PRUNE2: variants seen among roughly 807,000 people sequenced by gnomAD.
The protein encoded by PRUNE2 is protein prune homolog 2.
In PRUNE2, 164 loss-of-function variants were observed where a neutral mutation model predicts 252.0. The ratio of observed to expected loss-of-function variants is 0.65; its 90% CI spans 0.57 to 0.74. PRUNE2 has a LOEUF of 0.74. Ranked by LOEUF, PRUNE2 falls within the 30% of genes least tolerant of loss-of-function variation. The pLI, the probability that PRUNE2 is intolerant of heterozygous loss-of-function variation, is 0.00. For synonymous variants in PRUNE2, 1,292 were observed against 1,350.2 expected (o/e 0.96, Z 0.94); for missense variants, 3,495 against 3,711.0 (o/e 0.94, Z 1.51).
intron 6 of PRUNE2, among the ~76,000 whole-genome samples, chr9:76,815,001 G>A (rs1188167424): frequency 6.6e-6 from 1 of 152,152 alleles, no homozygotes; most frequent in Non-Finnish European, 1.5e-5. Context: ...CCTGCAGCCT[G>A]TTGATGAAGT....
chr9:76,769,492 G>A lies in PRUNE2; in HGVS notation c.756+54140C>T, dbSNP rs933475169. ...GGCTGGAGTGCAATGGCACAATCTC[G>A]GCTCGTCGTCGCAACCTCCGCCCCC... On this transcript the variant is annotated intron_variant, in intron 6 of 18. Transcript: ENST00000376718. Among the ~76,000 whole-genome samples, 9 of 115,474 alleles carry A rather than the reference G, an allele frequency of 7.8e-5. No individual in the cohort carries two copies. In the South Asian group the frequency reaches 9.5e-4, roughly 12 times the overall value. 75.8% of individuals were successfully genotyped at this position (115,474 alleles called of 152,430 possible).
chr9:76,815,889 G>A (rs1005708204), intron 6 of PRUNE2, among the ~76,000 whole-genome samples: 1 of 152,016 alleles, frequency 6.6e-6, no homozygotes, highest in Non-Finnish European at 1.5e-5. Flanking sequence ...TGCCAGGTGC[G>A]GTGGCTCACG....
chr9:76,679,155 G>C (rs976671160), intron 9 of PRUNE2, among the ~76,000 whole-genome samples: 3 of 152,202 alleles, frequency 2.0e-5, no homozygotes, highest in African/African-American at 4.8e-5. Flanking sequence ...TACTTAGAAA[G>C]TTGTTGTAAG....
At chr9:76,868,843 G>C (rs1421463806) in intron 1 of PRUNE2, 9 of 132,240 alleles carry the variant, frequency 6.8e-5, no homozygotes, top group Non-Finnish European at 9.9e-5. Flanking sequence ...GGGGTGGGGG[G>C]GGGGGCGGGG....
At chr9:76,866,419 T>C (rs1317462558) in intron 1 of PRUNE2, among the ~76,000 whole-genome samples, 1 of 152,266 alleles carries the variant, frequency 6.6e-6, no homozygotes, top group African/African-American at 2.4e-5. Flanking sequence ...ATAGTGTTTT[T>C]TGCGATATTT....
intron 9 of PRUNE2, among the ~76,000 whole-genome samples, chr9:76,678,749 A>C (rs1244395048): frequency 6.6e-6 from 1 of 152,144 alleles, no homozygotes; most frequent in Non-Finnish European, 1.5e-5. Flanking sequence ...AATGGTGTGA[A>C]CCTCGGAGGC....
At chr9:76,650,027 G>A (rs1413205761) in intron 11 of PRUNE2, among the ~76,000 whole-genome samples, 3 of 151,846 alleles carry the variant, frequency 2.0e-5, no homozygotes, top group African/African-American at 7.3e-5. Flanking sequence ...TTGGCTTCAA[G>A]TATGTAAGTC....
chr9:76,813,060 T>C (rs1407804857), intron 6 of PRUNE2, among the ~76,000 whole-genome samples: 1 of 152,228 alleles, frequency 6.6e-6, no homozygotes, highest in Non-Finnish European at 1.5e-5. Flanking sequence ...GTAGAAAGGC[T>C]ATATAATGAT....
chr9:76,879,743 T>C (rs938725688), intron 1 of PRUNE2, among the ~76,000 whole-genome samples: 3 of 151,166 alleles, frequency 2.0e-5, no homozygotes, highest in African/African-American at 2.4e-5. Flanking sequence ...AAGAGAAGCA[T>C]TCTCAGCAAA....
intron 6 of PRUNE2, among the ~76,000 whole-genome samples, chr9:76,783,304 T>C (rs920784013): frequency 6.6e-6 from 1 of 151,980 alleles, no homozygotes; most frequent in Non-Finnish European, 1.5e-5. Context: ...GCCCAGCTAA[T>C]TTTTGTATTT....
At position 76,709,918 on chromosome 9, in the gene PRUNE2, T is replaced by C. The variant is rs1254872930; in HGVS notation, c.2356A>G (p.Thr786Ala). ...ACAGCTGCTGGTTCACCATCATCTG[T>C]AGGATTTCCCCAGGGCTCGGGCATG... is the stretch of plus-strand genomic sequence containing the variant. ...TAMPEPWGNP[T>A]DDGEPAAVAP... The change falls in exon 8 of 19, where the codon ACA (threonine) becomes GCA (alanine). Residue 786 changes from threonine to alanine, a missense_variant. Coordinates refer to ENST00000376718, the MANE Select transcript of PRUNE2 (RefSeq NM_015225.3). 6 of 1,613,684 alleles carry C rather than the reference T, an allele frequency of 3.7e-6. No individual in the cohort carries two copies. Among genetic ancestry groups the C allele is most frequent in the African/African-American group, 1.3e-5 (1 of 74,878 alleles).
rs116878431 is a variant in PRUNE2, at chr9:76,650,548, A to G, written c.8557+1935T>C. On this transcript the variant is annotated intron_variant, in intron 11 of 18. Coordinates refer to ENST00000376718, the MANE Select transcript of PRUNE2 (RefSeq NM_015225.3). ...ATCCAACCCTCTTATACAGTCACTT[A>G]TCCATGTCCTCATGTTTACAAAATA... 8.2e-3 allele frequency among the ~76,000 whole-genome samples: 1,248 copies of G among 152,304 alleles called. 9 individuals are homozygous for G. Among genetic ancestry groups the G allele is most frequent in the Non-Finnish European group, 0.015 (995 of 68,034 alleles).
intron 2 of PRUNE2, among the ~76,000 whole-genome samples, chr9:76,851,326 T>C (rs2059943427): frequency 6.6e-6 from 1 of 152,142 alleles, no homozygotes; most frequent in Non-Finnish European, 1.5e-5. Flanking sequence ...GGCGGGCAGA[T>C]CACGAGGTCA....
At chr9:76,664,392 T>C (rs1398290437) in intron 9 of PRUNE2, among the ~76,000 whole-genome samples, 3 of 152,234 alleles carry the variant, frequency 2.0e-5, no homozygotes, top group African/African-American at 7.2e-5. Context: ...GGCTAATGTC[T>C]TGATGGCAAC....
At chr9:76,726,623 A>G (rs1040818517) in intron 6 of PRUNE2, among the ~76,000 whole-genome samples, 12 of 152,248 alleles carry the variant, frequency 7.9e-5, no homozygotes, top group African/African-American at 2.7e-4. Flanking sequence ...AAAAGCGTTA[A>G]GCTTAGAGAA....
At chr9:76,900,236 T>C (rs907139680) in intron 1 of PRUNE2, among the ~76,000 whole-genome samples, 3 of 152,178 alleles carry the variant, frequency 2.0e-5, no homozygotes, top group Non-Finnish European at 4.4e-5. Flanking sequence ...TATGAATACA[T>C]CATTTTGGCT....
At position 76,706,988 on chromosome 9, in the gene PRUNE2, G is replaced by T. The variant is rs760516229; in HGVS notation, c.5286C>A (p.Ser1762Arg). Residue 1762 changes from serine to arginine, a missense_variant, in exon 8 of 19, where the codon AGC becomes AGA. Physicochemically the swap from Ser to Arg is moderately radical, Grantham distance 110. Transcript: ENST00000376718. ...KSNPFCDNQQ[S>R]SPDPWTFSPL... ...GTGAGAAAGTCCAGGGATCAGGGCT[G>T]CTTTGTTGATTGTCACAGAATGGGT... 3.7e-6 allele frequency: 6 copies of T among 1,614,018 alleles called. No individual in the cohort carries two copies. Among genetic ancestry groups the T allele is most frequent in the Non-Finnish European group, 5.1e-6 (6 of 1,179,880 alleles).
chr9:76,882,520 T>C (rs1286128500), intron 1 of PRUNE2, among the ~76,000 whole-genome samples: 3 of 152,272 alleles, frequency 2.0e-5, no homozygotes, highest in Admixed American at 6.5e-5. Context: ...TCTGCTCAGC[T>C]TCCAGGGAGG....
chr9:76,810,341 A>G (rs1400018222), intron 6 of PRUNE2, among the ~76,000 whole-genome samples: 2 of 152,204 alleles, frequency 1.3e-5, no homozygotes, highest in Non-Finnish European at 2.9e-5. Flanking sequence ...TATACACTCA[A>G]AAAAGGTATG....
Sources: gnomAD v4.1 joint callset for allele counts (sites outside exome capture counted in the v4.1 genomes callset) on GRCh38, gnomAD v4.1.1 for gene constraint, MANE v1.5 for transcripts, NCBI Gene and HGNC (gene_info 2026-07-23, HGNC 2026-07-21) for gene names.